Variants in ALPK1 observed in about 807,000 individuals in gnomAD.
The protein encoded by ALPK1 is alpha-protein kinase 1.
In ALPK1, 110 loss-of-function variants were observed where a neutral mutation model predicts 120.6. The ratio of observed to expected loss-of-function variants is 0.91; its 90% CI spans 0.78 to 1.07. The LOEUF (loss-of-function observed/expected upper bound fraction) is 1.07. ALPK1 is among the 50% of genes least tolerant of loss of function. The probability of loss-of-function intolerance (pLI) is 0.00; values close to 1 mark genes in which losing one functional copy is unlikely to be tolerated. For missense variants in ALPK1, 1,498 were observed against 1,483.9 expected (o/e 1.01, Z -0.16); for synonymous variants, 582 against 560.3 (o/e 1.04, Z -0.55).
At chr4:112,321,962 A>G (rs1728884450) in intron 2 of ALPK1, among the ~76,000 whole-genome samples, 2 of 152,198 alleles carry the variant, frequency 1.3e-5, no homozygotes, top group African/African-American at 2.4e-5. Flanking sequence ...ACCTGTACTG[A>G]TAAGTGCCAC....
At chr4:112,404,556 G>A (rs749241686) in intron 4 of ALPK1, among the ~76,000 whole-genome samples, 13 of 152,150 alleles carry the variant, frequency 8.5e-5, no homozygotes, top group Non-Finnish European at 1.9e-4. Flanking sequence ...ACATTATATC[G>A]CTTTAATCTG....
In ALPK1 at chr4:112,432,106, G is replaced by T; in HGVS notation, c.2559G>T (p.Glu853Asp). The change falls in exon 11 of 16, where the codon GAG (glutamate) becomes GAT (aspartate). Residue 853 changes from glutamate (E) to aspartate (D), a missense_variant. Glu to Asp is a conservative substitution (Grantham distance 45, BLOSUM62 2). Coordinates refer to ENST00000650871, the MANE Select transcript of ALPK1 (RefSeq NM_025144.4). Reference protein sequence around the residue: ...GIDPDASTVDEEGQLLDSMDV... With the variant: ...GIDPDASTVDDEGQLLDSMDV... The stretch of plus-strand genomic sequence containing the variant: ...ACCCTGATGCCTCCACAGTGGATGA[G>T]GAGGGGCAACTGCTCGACAGCATGG... 6.2e-7 allele frequency: 1 copy of T among 1,614,218 alleles called. No individual in the cohort carries two copies. Among genetic ancestry groups the T allele is most frequent in the Non-Finnish European group, 8.5e-7 (1 of 1,180,026 alleles).
chr4:112,441,230 C>CT lies in ALPK1; in HGVS notation c.*23dup. On this transcript the variant is annotated 3_prime_UTR_variant, in exon 16 of 16. Transcript: ENST00000650871. ...ACATAGAATACGGCACAGTCTGGTCCTTTGGGGCTTGGGCAGGGCCGTGAC... is the reference window on the plus strand; with the variant it reads ...ACATAGAATACGGCACAGTCTGGTCCTTTTGGGGCTTGGGCAGGGCCGTGAC... The CT allele has an allele frequency of 1.3e-6, 2 of 1,530,028 alleles. No individual in the cohort carries two copies. The highest frequency in any genetic ancestry group is 1.8e-6 in the Non-Finnish European group (2 of 1,103,444). 94.8% of individuals were successfully genotyped at this position (1,530,028 alleles called of 1,614,324 possible).
intron 2 of ALPK1, among the ~76,000 whole-genome samples, chr4:112,365,589 C>T (rs1215958803): frequency 6.6e-6 from 1 of 152,198 alleles, no homozygotes; most frequent in Non-Finnish European, 1.5e-5. Flanking sequence ...ATCCTGTGCT[C>T]ATGGACTGGT....
chr4:112,303,976 A>T (rs1173849427), intron 1 of ALPK1, among the ~76,000 whole-genome samples: 1 of 151,450 alleles, frequency 6.6e-6, no homozygotes, highest in Non-Finnish European at 1.5e-5. Flanking sequence ...TTCAGTTCCC[A>T]CCTATGAGTG....
intron 5 of ALPK1, among the ~76,000 whole-genome samples, chr4:112,422,549 AC>A (rs1398072055): frequency 6.6e-6 from 1 of 152,124 alleles, no homozygotes; most frequent in Non-Finnish European, 1.5e-5. Flanking sequence ...TCTCTGCAAC[AC>A]CCTTCAAGTC....
chr4:112,386,669 C>G (rs544695366), intron 4 of ALPK1, among the ~76,000 whole-genome samples: 1 of 152,248 alleles, frequency 6.6e-6, no homozygotes, highest in South Asian at 2.1e-4. Context: ...TTGTAAACAC[C>G]GAGCTGCCCT....
intron 2 of ALPK1, among the ~76,000 whole-genome samples, chr4:112,328,860 A>T (rs528567526): frequency 6.6e-6 from 1 of 152,198 alleles, no homozygotes; most frequent in Non-Finnish European, 1.5e-5. Context: ...ATCCCACCCA[A>T]CATGATAGAT....
Position 112,337,282 on chromosome 4 carries a change from G to A in ALPK1, c.-101+21430G>A, listed in dbSNP as rs1330926059. Among the ~76,000 whole-genome samples, 4 of 151,600 alleles carry A rather than the reference G, an allele frequency of 2.6e-5. No individual in the cohort carries two copies. In the Middle Eastern group the frequency reaches 0.014, roughly 519 times the overall value. The stretch of plus-strand genomic sequence containing the variant: ...ATAAAAGCACATTTTATACTTCTTC[G>A]CTTTTATTATTAAAGATTATAAAGC... On this transcript the variant is annotated intron_variant, in intron 2 of 15. Coordinates refer to ENST00000650871, the MANE Select transcript of ALPK1 (RefSeq NM_025144.4).
intron 12 of ALPK1, among the ~76,000 whole-genome samples, chr4:112,436,165 G>A (rs1734780822): frequency 1.3e-5 from 2 of 152,192 alleles, no homozygotes; most frequent in African/African-American, 4.8e-5. Context: ...GTCTCTGTAA[G>A]CAGTGGAAGT....
rs577667860 is a variant in ALPK1, at chr4:112,308,170, C to T, written c.-152-7631C>T. Among the ~76,000 whole-genome samples, 20 of 152,120 alleles carry T rather than the reference C, an allele frequency of 1.3e-4. No homozygotes were observed. The South Asian group carries it at 1.5e-3, about 11-fold the overall frequency. On this transcript the variant is annotated intron_variant, in intron 1 of 15. Coordinates refer to ENST00000650871, the MANE Select transcript of ALPK1 (RefSeq NM_025144.4). ...GGGTAACCCAACCTTTCTCTCTGGCCGCCCTTAACATTTTTTCCTTCATTT... is the reference window on the plus strand; with the variant it reads ...GGGTAACCCAACCTTTCTCTCTGGCTGCCCTTAACATTTTTTCCTTCATTT...
At chr4:112,423,267 T>C (rs1462916809) in intron 5 of ALPK1, among the ~76,000 whole-genome samples, 1 of 152,114 alleles carries the variant, frequency 6.6e-6, no homozygotes, top group Non-Finnish European at 1.5e-5. Context: ...ACAAAAACTC[T>C]GATGTGGTAA....
chr4:112,325,222 C>A (rs1729060292), intron 2 of ALPK1, among the ~76,000 whole-genome samples: 1 of 152,180 alleles, frequency 6.6e-6, no homozygotes, highest in Non-Finnish European at 1.5e-5. Context: ...CTGCAGTAAT[C>A]ACAGCTCTTT....
At chr4:112,315,366 G>T (rs1728590240) in intron 1 of ALPK1, among the ~76,000 whole-genome samples, 2 of 152,084 alleles carry the variant, frequency 1.3e-5, no homozygotes, top group African/African-American at 4.8e-5. Flanking sequence ...AACCCCAGAG[G>T]TTTTTCAACA....
chr4:112,330,504 G>A (rs1729319857), intron 2 of ALPK1, among the ~76,000 whole-genome samples: 1 of 152,128 alleles, frequency 6.6e-6, no homozygotes, highest in African/African-American at 2.4e-5. Flanking sequence ...TACGGTCCTT[G>A]TTTTCGCAAC....
At chr4:112,307,466 T>G (rs1454647169) in intron 1 of ALPK1, among the ~76,000 whole-genome samples, 3 of 152,130 alleles carry the variant, frequency 2.0e-5, no homozygotes, top group Non-Finnish European at 4.4e-5. Flanking sequence ...TTAGGATAGT[T>G]AGCTCTTCTT....
chr4:112,327,341 A>T (rs1004882105), intron 2 of ALPK1, among the ~76,000 whole-genome samples: 5 of 152,212 alleles, frequency 3.3e-5, no homozygotes, highest in Non-Finnish European at 7.3e-5. Flanking sequence ...AAACATATGT[A>T]AGTTGATAGC....
At chr4:112,412,643 C>A (rs1013979604) in intron 5 of ALPK1, among the ~76,000 whole-genome samples, 9 of 152,116 alleles carry the variant, frequency 5.9e-5, no homozygotes, top group Admixed American at 5.2e-4. Context: ...ACTGCAAAGT[C>A]CACTTCCATA....
intron 2 of ALPK1, among the ~76,000 whole-genome samples, chr4:112,330,538 T>C (rs990833540): frequency 6.6e-6 from 1 of 152,184 alleles, no homozygotes; most frequent in African/African-American, 2.4e-5. Flanking sequence ...AGAGTTATAA[T>C]CTACTAAATC....
Sources: gnomAD v4.1 joint callset for allele counts (sites outside exome capture counted in the v4.1 genomes callset) on GRCh38, gnomAD v4.1.1 for gene constraint, MANE v1.5 for transcripts, NCBI Gene and HGNC (gene_info 2026-07-23, HGNC 2026-07-21) for gene names.